The following CPS1 variants were observed in gnomAD, a reference collection of about 807,000 sequenced individuals.
CPS1 encodes the protein carbamoyl-phosphate synthase 1.
Under a neutral mutation model 174.6 loss-of-function variants are expected in CPS1, and 109 were observed. The observed-to-expected ratio is 0.62, with a 90% CI of 0.53 to 0.73. CPS1 has a LOEUF of 0.73. CPS1 is among the 30% of genes least tolerant of loss of function. The pLI is 0.00. For synonymous variants in CPS1, 637 were observed against 632.0 expected, an observed-to-expected ratio of 1.01 and a Z score of -0.12; for missense variants, 1,689 against 1,821.9, an observed-to-expected ratio of 0.93 and a Z score of 1.33.
At chr2:210,486,722 C>A (rs1168280357) in intron 1 of CPS1, among the ~76,000 whole-genome samples, 2 of 152,208 alleles carry the variant, frequency 1.3e-5, no homozygotes, top group Admixed American at 1.3e-4. Flanking sequence ...GTTGGTCAGG[C>A]TGGTCTCGAA....
At chr2:210,614,272 G>A (rs756934513) in intron 20 of CPS1, among the ~76,000 whole-genome samples, 4 of 151,614 alleles carry the variant, frequency 2.6e-5, no homozygotes, top group Admixed American at 1.3e-4. Flanking sequence ...GAGAAATCAT[G>A]GATTTTTTTT....
At position 210,637,564 on chromosome 2, in the gene CPS1, A is replaced by G. The variant is rs895915463; in HGVS notation, c.2688-138A>G. 1.5e-4 allele frequency: 136 copies of G among 910,016 alleles called. 1 individual carries two copies. In the South Asian group the frequency reaches 1.9e-3, roughly 13 times the overall value. The allele number at this position is 910,016 out of a possible 1,614,324, so 56.4% of individuals were successfully genotyped here. On this transcript the variant is annotated intron_variant, in intron 21 of 37. Transcript: ENST00000233072. ...GATTGAGTGGGTTAGTTATTTGTGTATTTTTAAAAGATAACAAGACTTAAA... is the reference window on the plus strand; with the variant it reads ...GATTGAGTGGGTTAGTTATTTGTGTGTTTTTAAAAGATAACAAGACTTAAA...
chr2:210,533,604 T>C (rs1473559128), intron 1 of CPS1, among the ~76,000 whole-genome samples: 3 of 152,156 alleles, frequency 2.0e-5, no homozygotes, highest in Non-Finnish European at 4.4e-5. Flanking sequence ...CTAAGACATA[T>C]TTGTACCAGT....
At chr2:210,615,835 CA>C (rs1371007418) in intron 20 of CPS1, among the ~76,000 whole-genome samples, 2 of 151,910 alleles carry the variant, frequency 1.3e-5, no homozygotes, top group Non-Finnish European at 2.9e-5. Context: ...TGCCTTAGCA[CA>C]AAAATCATAG....
chr2:210,601,747 T>C (rs1698733912), intron 15 of CPS1, among the ~76,000 whole-genome samples: 1 of 151,836 alleles, frequency 6.6e-6, no homozygotes, highest in Non-Finnish European at 1.5e-5. Context: ...AACTTGAAAA[T>C]GAAAAATCCA....
chr2:210,548,603 T>C (rs994342121), intron 1 of CPS1, among the ~76,000 whole-genome samples: 5 of 152,068 alleles, frequency 3.3e-5, no homozygotes, highest in African/African-American at 1.2e-4. Context: ...GTTAGTAGTT[T>C]GTAGAATTCA....
Position 210,658,606 on chromosome 2 carries a change from A to G in CPS1, c.3674A>G (p.Asp1225Gly). 6.2e-7 allele frequency: 1 copy of G among 1,613,900 alleles called. No individual in the cohort carries two copies. The highest frequency in any genetic ancestry group is 8.5e-7 in the Non-Finnish European group (1 of 1,179,772). The change falls in exon 31 of 38, where the codon GAT (aspartate) becomes GGT (glycine). Residue 1225 changes from aspartate (D) to glycine (G), a missense_variant. Coordinates refer to ENST00000233072, the MANE Select transcript of CPS1 (RefSeq NM_001875.5). Reference protein sequence around the residue: ...ISQGAIEKVKDATRKIAKAFA... With the variant: ...ISQGAIEKVKGATRKIAKAFA... ...TTATGCTTTTTAATTCAGGTGAAGG[A>G]TGCTACCCGGAAGATTGCAAAGGCT...
At chr2:210,514,549 A>G (rs1695621626) in intron 1 of CPS1, among the ~76,000 whole-genome samples, 1 of 151,834 alleles carries the variant, frequency 6.6e-6, no homozygotes, top group Non-Finnish European at 1.5e-5. Context: ...AACTTTACTG[A>G]AAGTGTTTAT....
chr2:210,599,791 A>G (rs1374564897), intron 14 of CPS1, among the ~76,000 whole-genome samples: 1 of 151,932 alleles, frequency 6.6e-6, no homozygotes, highest in East Asian at 1.9e-4. Flanking sequence ...AATGCTCCAG[A>G]GTGGCCAGTA....
chr2:210,655,271 T>C (rs1472783036), intron 29 of CPS1, among the ~76,000 whole-genome samples: 4 of 152,228 alleles, frequency 2.6e-5, no homozygotes, highest in African/African-American at 9.7e-5. Context: ...AAGACTGGCC[T>C]AGAGACATTT....
intron 1 of CPS1, chr2:210,477,894 C>A: frequency 1.0e-6 from 1 of 999,384 alleles, no homozygotes; most frequent in Non-Finnish European, 1.5e-6. Flanking sequence ...AAAGGCTATC[C>A]ATTTATCCCA....
rs1009030550 is a variant in CPS1 at position 210,501,010 on chromosome 2, C to T, written c.3+23244C>T. Among the ~76,000 whole-genome samples, 6 of 152,154 alleles carry T rather than the reference C, an allele frequency of 3.9e-5. No homozygotes were observed. The South Asian group carries it at 1.2e-3, about 32-fold the overall frequency. ...CAAACTTCAATTCTTGACTTCTCTG[C>T]ACCCACAGGCTCAACACCATGTGGA... On this transcript the variant is annotated intron_variant, in intron 1 of 38. Transcript: ENST00000430249.
In CPS1 at chr2:210,496,618, A is replaced by G. The variant is rs77785420; in HGVS notation, c.3+18852A>G. Among the ~76,000 whole-genome samples the G allele has an allele frequency of 9.7e-3, 1,472 of 152,298 alleles. 11 individuals carry two copies. Among genetic ancestry groups the G allele is most frequent in the Non-Finnish European group, 0.016 (1,061 of 68,018 alleles). On this transcript the variant is annotated intron_variant, in intron 1 of 38. Transcript: ENST00000430249. Reference sequence around the variant, plus strand: ...GTTTCTCAGCATGAGATGAGAAGGCATCAGAGGATACTGAATAGAGAAGTG... The same window carrying G: ...GTTTCTCAGCATGAGATGAGAAGGCGTCAGAGGATACTGAATAGAGAAGTG...
intron 9 of CPS1, 21 bp from the exon 10 acceptor site, chr2:210,591,810 T>G (rs775434425): frequency 6.2e-7 from 1 of 1,610,590 alleles, no homozygotes. Flanking sequence ...TTCCCTATTC[T>G]TTTTCTCCTT....
chr2:210,490,386 G>A (rs1431160948), intron 1 of CPS1, among the ~76,000 whole-genome samples: 1 of 152,112 alleles, frequency 6.6e-6, no homozygotes, highest in African/African-American at 2.4e-5. Flanking sequence ...ACCTTCCTAG[G>A]TTGTCTGAAA....
intron 21 of CPS1, among the ~76,000 whole-genome samples, chr2:210,622,805 A>T (rs536191424): frequency 6.6e-6 from 1 of 151,302 alleles, no homozygotes; most frequent in African/African-American, 2.4e-5. Flanking sequence ...CAAGAAAAAA[A>T]AAGTGAGAGT....
At chr2:210,564,031 A>G (rs1697197324) in intron 1 of CPS1, among the ~76,000 whole-genome samples, 1 of 152,222 alleles carries the variant, frequency 6.6e-6, no homozygotes, top group South Asian at 2.1e-4. Context: ...GAATCATCTT[A>G]CTAAGAAATG....
chr2:210,614,979 C>A lies in CPS1; in HGVS notation c.2569-1444C>A, dbSNP rs1699254103. On this transcript the variant is annotated intron_variant, in intron 20 of 37. Coordinates refer to ENST00000233072, the MANE Select transcript of CPS1 (RefSeq NM_001875.5). ...AGCAAACCATCATGGCCCGTGTATA[C>A]CTATGTAACAAACCTGCACGTCCTG... Among the ~76,000 whole-genome samples the A allele has an allele frequency of 1.3e-5, 2 of 151,706 alleles. 1 individual carries two copies. The highest frequency in any genetic ancestry group is 4.2e-4 in the South Asian group (2 of 4,796).
intron 25 of CPS1, among the ~76,000 whole-genome samples, 180 bp downstream of exon 25, chr2:210,642,845 A>G (rs1320726010): frequency 6.6e-6 from 1 of 152,174 alleles, no homozygotes; most frequent in East Asian, 1.9e-4. Flanking sequence ...CTCCATTCTT[A>G]TATTTTTGAG....
Sources: allele counts gnomAD v4.1 joint callset (sites outside exome capture counted in the v4.1 genomes callset), GRCh38; gene constraint gnomAD v4.1.1; transcripts MANE v1.5; gene names NCBI Gene and HGNC (gene_info 2026-07-23, HGNC 2026-07-21).